CELA2B: variants seen among roughly 807,000 people sequenced by gnomAD.
CELA2B encodes the protein chymotrypsin-like elastase family member 2B.
A neutral mutation model predicts 36.5 loss-of-function variants in CELA2B; 27 were observed. That is an observed-to-expected ratio of 0.74 (90% CI 0.55 to 1.02). The LOEUF is 1.02. Among genes scored for constraint, CELA2B ranks in the 50% least tolerant of loss-of-function variants. CELA2B has a pLI of 0.00. For missense variants in CELA2B, 340 were observed against 347.8 expected, an observed-to-expected ratio of 0.98 and a Z score of 0.18; for synonymous variants, 143 against 148.5, an observed-to-expected ratio of 0.96 and a Z score of 0.27.
At chr1:15,477,747 CA>C (rs1214756913) in intron 2 of CELA2B, among the ~76,000 whole-genome samples, 2 of 152,126 alleles carry the variant, frequency 1.3e-5, no homozygotes, top group Non-Finnish European at 2.9e-5. Flanking sequence ...CAGTCTCTTC[CA>C]AGCATTTAAC....
chr1:15,479,369 AC>A (rs1708714421), intron 2 of CELA2B, among the ~76,000 whole-genome samples: 1 of 151,516 alleles, frequency 6.6e-6, no homozygotes, highest in Non-Finnish European at 1.5e-5. Context: ...ACATGGTGAA[AC>A]CCCGTCTCTA....
At chr1:15,490,865 CA>C (rs34648160) in intron 7 of CELA2B, 7,948 of 120,278 alleles carry the variant, frequency 0.066, 57 homozygotes, top group South Asian at 0.12. Flanking sequence ...AAGACTGTCT[CA>C]AAAAAAAAAA....
intron 5 of CELA2B, among the ~76,000 whole-genome samples, 163 bp downstream of exon 5, chr1:15,483,563 C>T (rs1475339945): frequency 3.3e-5 from 5 of 152,330 alleles, no homozygotes; most frequent in Middle Eastern, 3.4e-3. Flanking sequence ...TGTCAGCTCT[C>T]CCACTTAATG....
chr1:15,476,370 C>T, intron 1 of CELA2B, 87 bp from the exon 2 acceptor site: 1 of 1,464,904 alleles, frequency 6.8e-7, no homozygotes, highest in South Asian at 1.1e-5. Context: ...CAAGGGTTTT[C>T]TATTTGGGGG....
chr1:15,483,130 C>A, intron 4 of CELA2B, 134 bp from the exon 5 acceptor site: 1 of 1,364,698 alleles, frequency 7.3e-7, no homozygotes, highest in Admixed American at 2.3e-5. Context: ...TTCAAACATG[C>A]CCTGTGGGCC....
intron 5 of CELA2B, among the ~76,000 whole-genome samples, chr1:15,484,696 A>G (rs1708783092): frequency 1.3e-5 from 2 of 152,082 alleles, no homozygotes; most frequent in South Asian, 4.1e-4. Flanking sequence ...GAGGCCTCCA[A>G]ATGCTTGGCT....
At chr1:15,477,922 C>T (rs947307418) in intron 2 of CELA2B, among the ~76,000 whole-genome samples, 13 of 152,176 alleles carry the variant, frequency 8.5e-5, no homozygotes, top group Admixed American at 3.3e-4. Flanking sequence ...AGCCCACTAG[C>T]CTTGAGCATT....
intron 2 of CELA2B, among the ~76,000 whole-genome samples, chr1:15,480,566 CG>C (rs1708728394): frequency 6.6e-6 from 1 of 152,096 alleles, no homozygotes; most frequent in South Asian, 2.1e-4. Context: ...CTTCTTCACA[CG>C]GTGGCAGCAG....
In CELA2B at chr1:15,490,547, G is replaced by A. The variant is rs58999320; in HGVS notation, c.793-748G>A. On this transcript the variant is annotated intron_variant, in intron 7 of 7. Transcript: ENST00000375910. ...GCAGCTGGATATCCTGCCGTTTACA[G>A]CACTGGATCATGAAGTTGGCATATC... Among the ~76,000 whole-genome samples, 565 of 152,278 alleles carry A rather than the reference G, an allele frequency of 3.7e-3. 5 individuals carry two copies. The highest frequency in any genetic ancestry group is 0.023 in the East Asian group (117 of 5,176).
At chr1:15,488,248 A>G (rs546661793) in intron 7 of CELA2B, among the ~76,000 whole-genome samples, 12 of 151,988 alleles carry the variant, frequency 7.9e-5, no homozygotes, top group South Asian at 2.1e-4. Flanking sequence ...TTAATTAGCC[A>G]TGGTGGTGCA....
chr1:15,482,507 G>A (rs921931244), intron 4 of CELA2B, 114 bp downstream of exon 4: 26 of 1,441,064 alleles, frequency 1.8e-5, no homozygotes, highest in Non-Finnish European at 2.5e-5. Context: ...CTATAGGGAA[G>A]AGAAAGGAGC....
chr1:15,484,760 C>T (rs1231357161), intron 5 of CELA2B, among the ~76,000 whole-genome samples: 1 of 152,104 alleles, frequency 6.6e-6, no homozygotes, highest in East Asian at 1.9e-4. Context: ...CACTTCCGAA[C>T]CTCAGTTTCC....
intron 2 of CELA2B, among the ~76,000 whole-genome samples, chr1:15,480,523 T>C (rs1708726210): frequency 6.6e-6 from 1 of 152,058 alleles, no homozygotes; most frequent in Non-Finnish European, 1.5e-5. Flanking sequence ...TCAGGAAACT[T>C]ACAATCATGG....
chr1:15,478,565 ATTTT>A (rs71002905), intron 2 of CELA2B, among the ~76,000 whole-genome samples: 14 of 125,246 alleles, frequency 1.1e-4, no homozygotes, highest in East Asian at 2.4e-4. Flanking sequence ...ATTTTAATGC[ATTTT>A]TTTTTTTTTT....
At position 15,490,035 on chromosome 1, in the gene CELA2B, A is replaced by G. The variant is rs542654129; in HGVS notation, c.793-1260A>G. Among the ~76,000 whole-genome samples, 7 of 152,180 alleles carry G rather than the reference A, an allele frequency of 4.6e-5. No homozygotes were observed. The South Asian group carries it at 1.5e-3, about 32-fold the overall frequency. On this transcript the variant is annotated intron_variant, in intron 7 of 7. Transcript: ENST00000375910. ...ATTACAGGCATGCACCACCATGCCC[A>G]ACTAATTTTTGTATTTTTAGTAGAG...
chr1:15,483,631 A>G (rs1371747816), intron 5 of CELA2B, among the ~76,000 whole-genome samples: 1 of 152,200 alleles, frequency 6.6e-6, no homozygotes, highest in Non-Finnish European at 1.5e-5. Flanking sequence ...TCTCATATGT[A>G]AAATGCAAAT....
rs749012037 is a variant in CELA2B at position 15,476,547 on chromosome 1, T to C, written c.129+2T>C. On this transcript the variant is annotated splice_donor_variant, in intron 2 of 7. Coordinates refer to ENST00000375910, the MANE Select transcript of CELA2B (RefSeq NM_015849.3). LOFTEE classifies it high-confidence loss of function. Reference sequence around the variant, plus strand: ...AGGCCCAACAGCTGGCCCTGGCAGGTGAGTTGACCACACTGTACTTCTCCC... The same window carrying C: ...AGGCCCAACAGCTGGCCCTGGCAGGCGAGTTGACCACACTGTACTTCTCCC... 1.9e-6 allele frequency: 3 copies of C among 1,613,282 alleles called. No individual in the cohort carries two copies. The highest frequency in any genetic ancestry group is 2.5e-6 in the Non-Finnish European group (3 of 1,179,886).
At chr1:15,486,145 C>G (rs1708802009) in intron 6 of CELA2B, 99 bp downstream of exon 6, 1 of 1,461,116 alleles carries the variant, frequency 6.8e-7, no homozygotes, top group South Asian at 1.3e-5. Flanking sequence ...CATCCTCCGA[C>G]CTCCTGGCAG....
chr1:15,482,196 T>A, intron 3 of CELA2B, 69 bp from the exon 4 acceptor site: 2 of 1,577,396 alleles, frequency 1.3e-6, no homozygotes, highest in South Asian at 2.3e-5. Flanking sequence ...GTTACTTGGG[T>A]CTATCCCTAG....
Sources: gnomAD v4.1 joint callset for allele counts (sites outside exome capture counted in the v4.1 genomes callset) on GRCh38, gnomAD v4.1.1 for gene constraint, MANE v1.5 for transcripts, NCBI Gene and HGNC (gene_info 2026-07-23, HGNC 2026-07-21) for gene names.